The following RSPO4 variants were observed in gnomAD, a reference collection of about 807,000 sequenced individuals.
RSPO4 encodes the protein R-spondin-4.
Under a neutral mutation model 24.8 loss-of-function variants are expected in RSPO4, and 23 were observed. The ratio of observed to expected loss-of-function variants is 0.93; its 90% CI spans 0.67 to 1.31. The LOEUF (loss-of-function observed/expected upper bound fraction) is 1.31, where lower values mean the gene tolerates loss of function less well. Ranked by LOEUF, RSPO4 falls within the 40% of genes most tolerant of loss-of-function variation. RSPO4 has a pLI of 0.00. For synonymous variants in RSPO4, 141 were observed against 127.4 expected, an observed-to-expected ratio of 1.11 and a Z score of -0.72; for missense variants, 333 against 316.5, an observed-to-expected ratio of 1.05 and a Z score of -0.39.
chr20:972,938 A>G (rs948094326), intron 1 of RSPO4, among the ~76,000 whole-genome samples: 18 of 152,136 alleles, frequency 1.2e-4, no homozygotes, highest in Non-Finnish European at 7.3e-5. Context: ...AAATTACAGA[A>G]AAACAAAGTA....
chr20:963,519 G>A (rs922513718), intron 4 of RSPO4, among the ~76,000 whole-genome samples: 1 of 152,062 alleles, frequency 6.6e-6, no homozygotes, highest in East Asian at 1.9e-4. Flanking sequence ...GGTATGTTGG[G>A]CCAAGCGCTT....
intron 1 of RSPO4, among the ~76,000 whole-genome samples, chr20:998,045 G>T (rs773705899): frequency 7.9e-5 from 12 of 152,230 alleles, no homozygotes; most frequent in Non-Finnish European, 1.6e-4. Flanking sequence ...AGAGGTAGGT[G>T]TAAGTTTTCC....
At chr20:994,536 C>T (rs745419621) in intron 1 of RSPO4, among the ~76,000 whole-genome samples, 2 of 152,098 alleles carry the variant, frequency 1.3e-5, no homozygotes, top group Non-Finnish European at 1.5e-5. Context: ...CTTGGATGTG[C>T]GAAAGCCCTC....
chr20:967,392 G>A, intron 2 of RSPO4, 78 bp from the exon 3 acceptor site: 1 of 1,485,702 alleles, frequency 6.7e-7, no homozygotes, highest in Non-Finnish European at 9.3e-7. Context: ...GAGGTGGAAG[G>A]CCCTCTGGGT....
chr20:960,274 G>A lies in RSPO4; in HGVS notation c.*83C>T. On this transcript the variant is annotated 3_prime_UTR_variant, in exon 5 of 5. Coordinates refer to ENST00000217260, the MANE Select transcript of RSPO4 (RefSeq NM_001029871.4). ...ACAAATGGAGAAGACAGAGGAGAAA[G>A]AGTAAGAGGAGAGGAGGAGAAGGAG... is the stretch of plus-strand genomic sequence containing the variant. The A allele has an allele frequency of 1.2e-6, 1 of 832,874 alleles. No homozygotes were observed. The highest frequency in any genetic ancestry group is 2.7e-5 in the East Asian group (1 of 37,644). 51.6% of individuals were successfully genotyped at this position (832,874 alleles called of 1,614,324 possible).
intron 1 of RSPO4, among the ~76,000 whole-genome samples, chr20:968,831 TA>T (rs1984317009): frequency 6.6e-6 from 1 of 152,118 alleles, no homozygotes; most frequent in South Asian, 2.1e-4. Flanking sequence ...GAAATTTTTT[TA>T]AGGAGAAAAT....
chr20:999,223 C>T (rs992989959), intron 1 of RSPO4, among the ~76,000 whole-genome samples: 3 of 152,066 alleles, frequency 2.0e-5, no homozygotes, highest in African/African-American at 7.2e-5. Context: ...CCATGTTGCC[C>T]AGGCTGGTCT....
intron 4 of RSPO4, 86 bp from the exon 5 acceptor site, chr20:960,552 G>C (rs1386349965): frequency 1.4e-5 from 14 of 977,622 alleles, no homozygotes; most frequent in Non-Finnish European, 2.0e-5. Context: ...AGACAAGGGT[G>C]CCCCACCCAC....
intron 1 of RSPO4, 58 bp from the exon 2 acceptor site, chr20:968,196 T>G: frequency 6.6e-7 from 1 of 1,518,062 alleles, no homozygotes; most frequent in African/African-American, 1.4e-5. Context: ...GGTCAAACCA[T>G]ATATGCGAGC....
chr20:993,402 G>A (rs377181152), intron 1 of RSPO4, among the ~76,000 whole-genome samples: 1 of 152,182 alleles, frequency 6.6e-6, no homozygotes, highest in Non-Finnish European at 1.5e-5. Flanking sequence ...CTCCGAGGGC[G>A]GGGCTGAGGG....
At chr20:960,756 G>GGCCA (rs1297518945) in intron 4 of RSPO4, among the ~76,000 whole-genome samples, 1 of 152,230 alleles carries the variant, frequency 6.6e-6, no homozygotes, top group Non-Finnish European at 1.5e-5. Flanking sequence ...GGTTCACCTG[G>GGCCA]GGCCCCCCAA....
At chr20:972,910 C>A (rs928141540) in intron 1 of RSPO4, among the ~76,000 whole-genome samples, 1 of 152,194 alleles carries the variant, frequency 6.6e-6, no homozygotes, top group Admixed American at 6.5e-5. Context: ...AATAGGACTT[C>A]AAATTACAAA....
intron 3 of RSPO4, among the ~76,000 whole-genome samples, chr20:966,907 C>A (rs1984221076): frequency 6.6e-6 from 1 of 152,234 alleles, no homozygotes; most frequent in Non-Finnish European, 1.5e-5. Context: ...CAGCGCTCTT[C>A]TTCTGCACTC....
chr20:990,334 G>T (rs1985056687), intron 1 of RSPO4, among the ~76,000 whole-genome samples: 1 of 152,198 alleles, frequency 6.6e-6, no homozygotes, highest in Non-Finnish European at 1.5e-5. Context: ...AGTGCCTTTA[G>T]TCTGGAACTG....
At chr20:985,497 G>A (rs1444204748) in intron 1 of RSPO4, among the ~76,000 whole-genome samples, 1 of 152,220 alleles carries the variant, frequency 6.6e-6, no homozygotes, top group East Asian at 1.9e-4. Context: ...AATTTCCCCA[G>A]GACTTTTGTT....
At chr20:980,566 G>A (rs1462625842) in intron 1 of RSPO4, among the ~76,000 whole-genome samples, 2 of 152,190 alleles carry the variant, frequency 1.3e-5, no homozygotes, top group South Asian at 4.1e-4. Flanking sequence ...CTCCTGCCTC[G>A]CAGCTGGGAC....
intron 1 of RSPO4, among the ~76,000 whole-genome samples, chr20:969,398 G>A (rs904548193): frequency 6.6e-6 from 1 of 152,216 alleles, no homozygotes; most frequent in African/African-American, 2.4e-5. Flanking sequence ...CCCTGCCAAC[G>A]AAGTGAGGAG....
intron 1 of RSPO4, among the ~76,000 whole-genome samples, chr20:987,871 T>C (rs112267774): frequency 0.02 from 3,059 of 152,372 alleles, 107 homozygotes; most frequent in African/African-American, 0.069. Flanking sequence ...ATTGAGGGCC[T>C]ACTATGTGCC....
At chr20:1,000,991 C>A (rs770333279) in intron 1 of RSPO4, among the ~76,000 whole-genome samples, 1 of 152,222 alleles carries the variant, frequency 6.6e-6, no homozygotes, top group East Asian at 1.9e-4. Context: ...GGCAACCCAT[C>A]CTCTCTCATT....
Sources: gnomAD v4.1 joint callset for allele counts (sites outside exome capture counted in the v4.1 genomes callset) on GRCh38, gnomAD v4.1.1 for gene constraint, MANE v1.5 for transcripts, NCBI Gene and HGNC (gene_info 2026-07-23, HGNC 2026-07-21) for gene names.